Variants in CPEB3 observed in about 807,000 individuals in gnomAD.
The protein encoded by CPEB3 is cytoplasmic polyadenylation element-binding protein 3.
Under a neutral mutation model 67.2 loss-of-function variants are expected in CPEB3, and 20 were observed. The ratio of observed to expected loss-of-function variants is 0.30; its 90% CI spans 0.21 to 0.43. CPEB3 has a LOEUF of 0.43. Among genes scored for constraint, CPEB3 ranks in the 20% least tolerant of loss-of-function variants. The pLI, the probability that CPEB3 is intolerant of heterozygous loss-of-function variation, is 1.00. For missense variants in CPEB3, 746 were observed against 968.6 expected, an observed-to-expected ratio of 0.77 and a Z score of 3.05; for synonymous variants, 376 against 393.1, an observed-to-expected ratio of 0.96 and a Z score of 0.51.
intron 1 of CPEB3, among the ~76,000 whole-genome samples, chr10:92,246,361 AAAAAT>A (rs1852068519): frequency 1.3e-5 from 2 of 151,942 alleles, no homozygotes; most frequent in African/African-American, 2.4e-5. Flanking sequence ...CGAAAAACAA[AAAAAT>A]AAAATAAAAT....
intron 8 of CPEB3, among the ~76,000 whole-genome samples, chr10:92,082,692 G>A (rs762559475): frequency 2.0e-4 from 30 of 152,104 alleles, no homozygotes; most frequent in Non-Finnish European, 1.0e-4. Flanking sequence ...ACTTGATAGT[G>A]GACAGCACCT....
At chr10:92,125,404 G>A (rs1243849440) in intron 6 of CPEB3, among the ~76,000 whole-genome samples, 1 of 152,170 alleles carries the variant, frequency 6.6e-6, no homozygotes, top group Non-Finnish European at 1.5e-5. Context: ...CATTGCCTTT[G>A]CCCAAGAGGC....
chr10:92,267,412 G>C (rs1043389050), intron 1 of CPEB3, among the ~76,000 whole-genome samples: 1 of 152,210 alleles, frequency 6.6e-6, no homozygotes, highest in African/African-American at 2.4e-5. Flanking sequence ...TAGAGGGTAA[G>C]TGGACCAGAA....
chr10:92,063,533 G>A (rs1032663489), intron 9 of CPEB3, among the ~76,000 whole-genome samples: 5 of 152,192 alleles, frequency 3.3e-5, no homozygotes, highest in African/African-American at 9.6e-5. Context: ...GGGAGGCCAA[G>A]GCAGGCAGAT....
At chr10:92,188,852 T>C (rs1021616347) in intron 3 of CPEB3, among the ~76,000 whole-genome samples, 2 of 152,242 alleles carry the variant, frequency 1.3e-5, no homozygotes, top group Admixed American at 6.5e-5. Context: ...TTTTATTCTA[T>C]ATAATTTTTA....
chr10:92,203,400 GTATA>G (rs1187949432), intron 2 of CPEB3, among the ~76,000 whole-genome samples: 1 of 139,710 alleles, frequency 7.2e-6, no homozygotes, highest in Admixed American at 7.3e-5. Context: ...ATATATATAC[GTATA>G]TATATGTATA....
At chr10:92,285,253 G>GTTTC (rs759512281) in intron 1 of CPEB3, among the ~76,000 whole-genome samples, 48 of 152,164 alleles carry the variant, frequency 3.2e-4, no homozygotes, top group Admixed American at 1.4e-3. Flanking sequence ...CTGCATTAAA[G>GTTTC]TTTCTTTCTT....
intron 7 of CPEB3, among the ~76,000 whole-genome samples, chr10:92,093,664 G>T (rs138599645): frequency 2.0e-5 from 3 of 151,880 alleles, no homozygotes; most frequent in Non-Finnish European, 4.4e-5. Flanking sequence ...CATCATGCCC[G>T]GTTAATTTTT....
At chr10:92,141,423 T>C (rs1313206418) in intron 6 of CPEB3, among the ~76,000 whole-genome samples, 5 of 150,526 alleles carry the variant, frequency 3.3e-5, no homozygotes, top group African/African-American at 9.8e-5. Context: ...TAGGTGGGAA[T>C]TGAACAATGA....
rs1223568306 is a variant in CPEB3, at chr10:92,187,383, T to C, written c.1165+5094A>G. Among the ~76,000 whole-genome samples, 4 of 152,196 alleles carry C rather than the reference T, an allele frequency of 2.6e-5. No homozygotes were observed. In the East Asian group the frequency reaches 7.7e-4, roughly 29 times the overall value. On this transcript the variant is annotated intron_variant, in intron 3 of 9. Coordinates refer to ENST00000265997, the MANE Select transcript of CPEB3 (RefSeq NM_014912.5). ...CATGAATGGTGAGGGAAGAGAAAATTCAAATACATAAAAATGTTTTACTAG... is the reference window on the plus strand; with the variant it reads ...CATGAATGGTGAGGGAAGAGAAAATCCAAATACATAAAAATGTTTTACTAG...
intron 4 of CPEB3, among the ~76,000 whole-genome samples, chr10:92,165,552 CTTCTT>C (rs1482388312): frequency 6.6e-6 from 1 of 151,964 alleles, no homozygotes; most frequent in African/African-American, 2.4e-5. Context: ...TCGATTGACT[CTTCTT>C]TTCACAAAAT....
At chr10:92,096,503 T>C (rs1354578887) in intron 7 of CPEB3, among the ~76,000 whole-genome samples, 5 of 152,064 alleles carry the variant, frequency 3.3e-5, no homozygotes, top group East Asian at 3.9e-4. Flanking sequence ...GTAGGCACTA[T>C]AGGGGCAGTA....
At chr10:92,161,492 C>T (rs954416243) in intron 4 of CPEB3, among the ~76,000 whole-genome samples, 3 of 151,954 alleles carry the variant, frequency 2.0e-5, no homozygotes, top group Admixed American at 2.0e-4. Context: ...AGGCTGGTCT[C>T]GAACTCCTGA....
At chr10:92,068,584 T>G (rs749072107) in intron 9 of CPEB3, among the ~76,000 whole-genome samples, 12 of 152,216 alleles carry the variant, frequency 7.9e-5, no homozygotes, top group Non-Finnish European at 1.8e-4. Context: ...AATGGACTTT[T>G]TTCCAATTCT....
intron 1 of CPEB3, among the ~76,000 whole-genome samples, chr10:92,258,287 A>T (rs941498928): frequency 6.6e-6 from 1 of 150,656 alleles, no homozygotes; most frequent in Non-Finnish European, 1.5e-5. Context: ...TTTAGTAGAG[A>T]CAGGATTTTG....
At chr10:92,194,423 G>C (rs1271265435) in intron 2 of CPEB3, among the ~76,000 whole-genome samples, 1 of 151,622 alleles carries the variant, frequency 6.6e-6, no homozygotes, top group East Asian at 2.0e-4. Context: ...TGGCGACATA[G>C]CAAGACTCCA....
At chr10:92,185,585 T>G (rs1336957597) in intron 3 of CPEB3, among the ~76,000 whole-genome samples, 1 of 152,238 alleles carries the variant, frequency 6.6e-6, no homozygotes, top group Non-Finnish European at 1.5e-5. Context: ...CATAATTGAT[T>G]ACGAAAGTCA....
chr10:92,237,161 A>T (rs1002425672), intron 2 of CPEB3, among the ~76,000 whole-genome samples: 3 of 152,258 alleles, frequency 2.0e-5, no homozygotes, highest in Admixed American at 6.5e-5. Flanking sequence ...TGGTACGGTT[A>T]TCAACAGAAA....
chr10:92,272,878 A>G (rs903020819), intron 1 of CPEB3, among the ~76,000 whole-genome samples: 2 of 152,208 alleles, frequency 1.3e-5, no homozygotes, highest in African/African-American at 2.4e-5. Flanking sequence ...TGGGTAGTCA[A>G]TGGAGCAGAG....
Sources: allele counts gnomAD v4.1 joint callset (sites outside exome capture counted in the v4.1 genomes callset), GRCh38; gene constraint gnomAD v4.1.1; transcripts MANE v1.5; gene names NCBI Gene and HGNC (gene_info 2026-07-23, HGNC 2026-07-21).